The following ANK1 variants were observed in gnomAD, a reference collection of about 807,000 sequenced individuals.
ANK1 encodes the protein ankyrin-1.
In ANK1, 51 loss-of-function variants were observed where a neutral mutation model predicts 210.4. The ratio of observed to expected loss-of-function variants is 0.24; its 90% CI spans 0.19 to 0.31. The LOEUF is 0.31. Ranked by LOEUF, ANK1 falls within the 10% of genes least tolerant of loss-of-function variation. The pLI is 1.00. For synonymous variants in ANK1, 967 were observed against 1,025.9 expected, an observed-to-expected ratio of 0.94 and a Z score of 1.10; for missense variants, 2,051 against 2,504.4, an observed-to-expected ratio of 0.82 and a Z score of 3.86.
intron 1 of ANK1, among the ~76,000 whole-genome samples, chr8:41,895,130 C>T (rs1483948225): frequency 6.6e-6 from 1 of 152,114 alleles, no homozygotes; most frequent in Non-Finnish European, 1.5e-5. Context: ...CAGCCTGCTC[C>T]CCAACACTCT....
At chr8:41,866,516 C>T (rs1262250941) in intron 1 of ANK1, among the ~76,000 whole-genome samples, 3 of 152,196 alleles carry the variant, frequency 2.0e-5, no homozygotes, top group Non-Finnish European at 4.4e-5. Context: ...TTTAAGTGTA[C>T]GGTTCAGGGA....
At chr8:41,811,330 C>CA (rs1802448492) in intron 1 of ANK1, among the ~76,000 whole-genome samples, 2 of 151,976 alleles carry the variant, frequency 1.3e-5, no homozygotes. Context: ...CCAGAATAAG[C>CA]AAAAAACAAA....
intron 10 of ANK1, among the ~76,000 whole-genome samples, chr8:41,719,302 G>T (rs948728123): frequency 2.0e-5 from 3 of 152,110 alleles, no homozygotes; most frequent in African/African-American, 7.2e-5. Context: ...AGAAAGCCAC[G>T]CAGCCTCTAA....
intron 1 of ANK1, among the ~76,000 whole-genome samples, chr8:41,772,054 C>G (rs375655401): frequency 4.6e-5 from 7 of 152,320 alleles, no homozygotes; most frequent in African/African-American, 1.7e-4. Context: ...TGGCTCCTCT[C>G]TACAGGGACA....
intron 16 of ANK1, among the ~76,000 whole-genome samples, chr8:41,713,286 C>G (rs943604087): frequency 6.6e-6 from 1 of 152,194 alleles, no homozygotes; most frequent in African/African-American, 2.4e-5. Flanking sequence ...CCTGGCCCCG[C>G]TCCCTCTCCT....
rs1332543501 is a variant in ANK1 at position 41,689,919 on chromosome 8, A to G, written c.4104+308T>C. ...GCAGATGCCCTTAGGGCCCCTTGTC[A>G]CTTTCACACCTAGGGAGCCCAGGGT... On this transcript the variant is annotated intron_variant, in intron 33 of 42. Transcript: ENST00000289734. 2.0e-5 allele frequency among the ~76,000 whole-genome samples: 3 copies of G among 152,260 alleles called. No homozygotes were observed. In the East Asian group the frequency reaches 5.8e-4, roughly 29 times the overall value.
At chr8:41,701,442 T>C in intron 22 of ANK1, 108 bp downstream of exon 22, 2 of 963,418 alleles carry the variant, frequency 2.1e-6, no homozygotes, top group Admixed American at 3.4e-5. Context: ...TCTATAGTGC[T>C]TGGGCGTGTT....
At chr8:41,763,968 G>A (rs1028978910) in intron 1 of ANK1, among the ~76,000 whole-genome samples, 2 of 127,834 alleles carry the variant, frequency 1.6e-5, no homozygotes, top group African/African-American at 6.0e-5. Context: ...CAGGGCATCT[G>A]GGAGGTGAAC....
Position 41,696,438 on chromosome 8 carries a change from G to A in ANK1, c.2885C>T (p.Pro962Leu), listed in dbSNP as rs140978700. 1.2e-5 allele frequency: 20 copies of A among 1,613,280 alleles called. No individual in the cohort carries two copies. Among genetic ancestry groups the A allele is most frequent in the Middle Eastern group, 1.6e-4 (1 of 6,062 alleles). The change falls in exon 26 of 43, where the codon CCG becomes CTG. Residue 962 changes from proline to leucine, a missense_variant. Around this residue, in one of 6 missense-constraint regions of ANK1, gnomAD observed 1,413 missense variants for 1,707.4 expected, o/e 0.83. Transcript: ENST00000289734. ...GCCCTCCTCCTCGGCCAGTGGGGGC[G>A]GCGTGCTGAGCTTCTGGGGCTTGAC... The part of the protein sequence containing the change: ...RLVKPQKLST[P>L]PPLAEEEGLA...
At position 41,698,081 on chromosome 8, in the gene ANK1, G is replaced by C. The variant is rs1435310605; in HGVS notation, c.2599C>G (p.Pro867Ala). Residue 867 changes from proline to alanine, a missense_variant, in exon 24 of 43, where the codon CCT becomes GCT. By Grantham distance (27) the Pro-to-Ala change is conservative (BLOSUM62 -1). Transcript: ENST00000289734. Reference sequence around the variant, plus strand: ...TCTGACCTGATCACCACTGTCTCAGGCATGGCACAGGGAATCCTGGGGATG... The same window carrying C: ...TCTGACCTGATCACCACTGTCTCAGCCATGGCACAGGGAATCCTGGGGATG... ...PAIPRIPCAMPETVVIRSEEQ... is the reference protein window; with the variant it reads ...PAIPRIPCAMAETVVIRSEEQ... 2 of 1,613,960 alleles carry C rather than the reference G, an allele frequency of 1.2e-6. No homozygotes were observed. The highest frequency in any genetic ancestry group is 2.7e-5 in the African/African-American group (2 of 74,916).
intron 17 of ANK1, among the ~76,000 whole-genome samples, chr8:41,707,068 T>C (rs1193808321): frequency 3.3e-5 from 5 of 152,174 alleles, no homozygotes; most frequent in Non-Finnish European, 5.9e-5. Context: ...CTACTGCACT[T>C]CAGCCTAGGT....
chr8:41,803,137 A>AGGAAG (rs1210538591), intron 1 of ANK1, among the ~76,000 whole-genome samples: 3 of 70,868 alleles, frequency 4.2e-5, no homozygotes, highest in South Asian at 5.5e-4. Context: ...AGGAAAGGAA[A>AGGAAG]GAAAGGAAAG....
rs1805101915 is a variant in ANK1, at chr8:41,654,636, T to G, written c.*1154A>C. 6.5e-6 allele frequency: 1 copy of G among 152,708 alleles called. No homozygotes were observed. Among genetic ancestry groups the G allele is most frequent in the Non-Finnish European group, 1.5e-5 (1 of 68,058 alleles). 9.5% of individuals were successfully genotyped at this position (152,708 alleles called of 1,614,324 possible). On this transcript the variant is annotated 3_prime_UTR_variant, in exon 43 of 43. Coordinates refer to ENST00000289734, the MANE Select transcript of ANK1 (RefSeq NM_000037.4). ...AAAGACAGGCCACAGCTCCTTCTCC[T>G]GCAGCCGCAGAAGTCCTCAGGAGCT...
chr8:41,722,717 T>C (rs533617170), intron 9 of ANK1, among the ~76,000 whole-genome samples: 1 of 152,348 alleles, frequency 6.6e-6, no homozygotes, highest in Admixed American at 6.5e-5. Flanking sequence ...GGGATTGATC[T>C]AGAGCAGTAG....
intron 1 of ANK1, among the ~76,000 whole-genome samples, chr8:41,881,572 T>C (rs1164085341): frequency 6.6e-6 from 1 of 152,264 alleles, no homozygotes; most frequent in Non-Finnish European, 1.5e-5. Context: ...CATCAAGCTC[T>C]AGGCTCTGTG....
chr8:41,711,060 T>C (rs1318395048), intron 16 of ANK1, among the ~76,000 whole-genome samples: 1 of 152,262 alleles, frequency 6.6e-6, no homozygotes. Context: ...GTAGGTTGTG[T>C]TCATGTAACA....
rs1053245004 is a variant in ANK1, at chr8:41,703,924, G to A, written c.2295+117C>T. ...CCCAAGGTAGCTGTGGCTTTAGGGT[G>A]CTGCGGCCCCGTCCAGGCCCTAGAC... is the stretch of plus-strand genomic sequence containing the variant. On this transcript the variant is annotated intron_variant, in intron 20 of 42. Transcript: ENST00000289734. The A allele has an allele frequency of 1.2e-5, 11 of 925,564 alleles. No individual in the cohort carries two copies. In the South Asian group the frequency reaches 1.3e-4, roughly 11 times the overall value. 57.3% of individuals were successfully genotyped at this position (925,564 alleles called of 1,614,324 possible).
At chr8:41,792,791 A>T (rs1354102470) in intron 1 of ANK1, among the ~76,000 whole-genome samples, 1 of 152,202 alleles carries the variant, frequency 6.6e-6, no homozygotes, top group Non-Finnish European at 1.5e-5. Flanking sequence ...CATCCACGCA[A>T]ACCCTAGAGC....
intron 1 of ANK1, among the ~76,000 whole-genome samples, chr8:41,822,194 GAA>G (rs1441806808): frequency 6.6e-6 from 1 of 150,528 alleles, no homozygotes; most frequent in Non-Finnish European, 1.5e-5. Context: ...AAGAAGGAAA[GAA>G]AGAAAAGAAA....
Sources: gnomAD v4.1 joint callset for allele counts (sites outside exome capture counted in the v4.1 genomes callset) on GRCh38, gnomAD v4.1.1 for gene constraint, gnomAD v4.1.1 regional missense constraint, MANE v1.5 for transcripts, NCBI Gene and HGNC (gene_info 2026-07-23, HGNC 2026-07-21) for gene names.